Variants in WWOX observed in about 807,000 individuals in gnomAD.
The protein encoded by WWOX is WW domain containing oxidoreductase.
A neutral mutation model predicts 46.2 loss-of-function variants in WWOX; 69 were observed. The observed-to-expected ratio is 1.49, with a 90% CI of 1.23 to 1.82. The LOEUF (loss-of-function observed/expected upper bound fraction) is 1.82. Among genes scored for constraint, WWOX ranks in the 40% most tolerant of loss-of-function variants. The pLI is 0.00. For synonymous variants in WWOX, 359 were observed against 202.6 expected, an observed-to-expected ratio of 1.77 and a Z score of -6.56; for missense variants, 919 against 542.6, an observed-to-expected ratio of 1.69 and a Z score of -6.89.
intron 4 of WWOX, among the ~76,000 whole-genome samples, chr16:78,132,049 G>A (rs1346550739): frequency 1.4e-5 from 2 of 139,024 alleles, no homozygotes; most frequent in East Asian, 4.2e-4. Flanking sequence ...TTTTGAGACA[G>A]AGTCTCACTC....
intron 8 of WWOX, among the ~76,000 whole-genome samples, chr16:79,170,431 C>T (rs1289408770): frequency 1.3e-5 from 2 of 152,172 alleles, no homozygotes; most frequent in Admixed American, 1.3e-4. Flanking sequence ...TAGGGAGCAT[C>T]CTGCAATACA....
intron 8 of WWOX, among the ~76,000 whole-genome samples, chr16:79,143,251 C>G (rs2150719030): frequency 6.6e-6 from 1 of 152,270 alleles, no homozygotes; most frequent in Non-Finnish European, 1.5e-5. Flanking sequence ...TGAAGTCTTT[C>G]TCTACACTCT....
At chr16:78,853,098 G>A (rs1234509613) in intron 8 of WWOX, among the ~76,000 whole-genome samples, 1 of 152,176 alleles carries the variant, frequency 6.6e-6, no homozygotes, top group Non-Finnish European at 1.5e-5. Context: ...TTTAATGTCT[G>A]TAAGGTGTTT....
At chr16:78,815,486 A>G (rs1243399714) in intron 8 of WWOX, among the ~76,000 whole-genome samples, 1 of 152,122 alleles carries the variant, frequency 6.6e-6, no homozygotes, top group African/African-American at 2.4e-5. Flanking sequence ...TTCTTACGTT[A>G]CCCGTTTTGA....
At chr16:78,931,821 T>C (rs375691349) in intron 8 of WWOX, among the ~76,000 whole-genome samples, 2 of 152,310 alleles carry the variant, frequency 1.3e-5, no homozygotes, top group East Asian at 3.9e-4. Context: ...TCTTGAACTT[T>C]AGCTCCCATA....
At chr16:79,091,775 C>CTTTTTTTTTT (rs771753213) in intron 8 of WWOX, among the ~76,000 whole-genome samples, 13 of 126,852 alleles carry the variant, frequency 1.0e-4, no homozygotes, top group African/African-American at 1.5e-4. Flanking sequence ...CTTTTCTTTT[C>CTTTTTTTTTT]TTTGTTTTTT....
intron 8 of WWOX, among the ~76,000 whole-genome samples, chr16:78,465,506 C>A (rs2151428205): frequency 6.6e-6 from 1 of 152,254 alleles, no homozygotes; most frequent in South Asian, 2.1e-4. Flanking sequence ...AAAGAACTGT[C>A]TGTTTTATCA....
chr16:78,722,659 T>C (rs1273143782), intron 8 of WWOX, among the ~76,000 whole-genome samples: 3 of 151,452 alleles, frequency 2.0e-5, no homozygotes, highest in African/African-American at 7.3e-5. Context: ...AAGAGGGATG[T>C]AACTGGAGCA....
intron 8 of WWOX, among the ~76,000 whole-genome samples, chr16:79,120,700 C>G (rs746826494): frequency 1.9e-4 from 29 of 152,200 alleles, no homozygotes; most frequent in Non-Finnish European, 3.4e-4. Context: ...TCACATTACT[C>G]TATCTGTGCC....
intron 8 of WWOX, among the ~76,000 whole-genome samples, chr16:78,650,529 C>G (rs530587056): frequency 2.6e-5 from 4 of 152,200 alleles, no homozygotes; most frequent in African/African-American, 9.6e-5. Context: ...AAGCCCGAGT[C>G]GTATGAATCC....
intron 4 of WWOX, chr16:78,123,619 G>A (rs2033229649): frequency 6.6e-6 from 1 of 151,278 alleles, no homozygotes; most frequent in Non-Finnish European, 1.5e-5. Flanking sequence ...CAACACGTCT[G>A]GCTAATTTTT....
intron 8 of WWOX, among the ~76,000 whole-genome samples, chr16:78,593,555 G>A (rs2045401526): frequency 1.3e-5 from 2 of 152,158 alleles, no homozygotes; most frequent in African/African-American, 4.8e-5. Context: ...TGCATGATGG[G>A]GGAATGAGCA....
intron 4 of WWOX, among the ~76,000 whole-genome samples, chr16:78,150,669 C>T (rs1025982516): frequency 6.6e-6 from 1 of 152,120 alleles, no homozygotes; most frequent in Non-Finnish European, 1.5e-5. Flanking sequence ...AGGTGTGAGC[C>T]ACTGTGCCTC....
chr16:78,646,077 G>A (rs192695955), intron 8 of WWOX, among the ~76,000 whole-genome samples: 29 of 152,130 alleles, frequency 1.9e-4, no homozygotes, highest in Admixed American at 1.8e-3. Context: ...GGGTAACTGC[G>A]CATACTCTCC....
rs188997916 is a variant in WWOX at position 78,542,955 on chromosome 16, G to C, written c.1056+110203G>C. Among the ~76,000 whole-genome samples the C allele has an allele frequency of 2.0e-5, 3 of 152,326 alleles. No individual in the cohort carries two copies. The East Asian group carries it at 5.8e-4, about 29-fold the overall frequency. ...CCAATAGAAAAATGAGAGGAGGAGA[G>C]TAGAAGCAGAATAGCAAACAATTTT... On this transcript the variant is annotated intron_variant, in intron 8 of 8. Transcript: ENST00000566780.
intron 8 of WWOX, among the ~76,000 whole-genome samples, chr16:78,808,524 G>A (rs2051102487): frequency 6.6e-6 from 1 of 152,142 alleles, no homozygotes; most frequent in South Asian, 2.1e-4. Context: ...GGACCTTTGT[G>A]AATTTCCGAT....
At chr16:78,365,839 C>G (rs1216035028) in intron 5 of WWOX, among the ~76,000 whole-genome samples, 1 of 152,142 alleles carries the variant, frequency 6.6e-6, no homozygotes, top group Non-Finnish European at 1.5e-5. Context: ...TCTCTTTTCT[C>G]CAGTAAAGAG....
chr16:79,107,286 C>T (rs901001624), intron 8 of WWOX, among the ~76,000 whole-genome samples: 3 of 151,742 alleles, frequency 2.0e-5, no homozygotes, highest in African/African-American at 7.3e-5. Flanking sequence ...CCTTGCTGTT[C>T]TGTTTTGCCC....
intron 1 of WWOX, among the ~76,000 whole-genome samples, chr16:78,100,763 C>T (rs2031722735): frequency 6.6e-6 from 1 of 152,206 alleles, no homozygotes; most frequent in African/African-American, 2.4e-5. Context: ...AGTAGGTACT[C>T]TCTGTTCCTT....
Sources: gnomAD v4.1 joint callset for allele counts (sites outside exome capture counted in the v4.1 genomes callset) on GRCh38, gnomAD v4.1.1 for gene constraint, MANE v1.5 for transcripts, NCBI Gene and HGNC (gene_info 2026-07-23, HGNC 2026-07-21) for gene names.